TBC1D2: variants seen among roughly 807,000 people sequenced by gnomAD.
TBC1D2 encodes TBC1 domain family member 2, also known as TBC1 domain family member 2A.
In TBC1D2, 58 loss-of-function variants were observed where a neutral mutation model predicts 91.1. The observed-to-expected ratio is 0.64, with a 90% CI of 0.52 to 0.79. TBC1D2 has a LOEUF of 0.79. TBC1D2 is among the 30% of genes least tolerant of loss of function. TBC1D2 has a pLI of 0.00. For synonymous variants in TBC1D2, 482 were observed against 511.5 expected (o/e 0.94, Z 0.78); for missense variants, 1,080 against 1,208.3 (o/e 0.89, Z 1.57).
intron 6 of TBC1D2, 114 bp downstream of exon 6, chr9:98,220,719 T>C: frequency 7.7e-7 from 1 of 1,307,070 alleles, no homozygotes. Flanking sequence ...TATTCTAGGA[T>C]GAAGGGGTAT....
At chr9:98,249,258 C>T (rs1359817480) in intron 2 of TBC1D2, among the ~76,000 whole-genome samples, 1 of 152,208 alleles carries the variant, frequency 6.6e-6, no homozygotes. Flanking sequence ...GAGTCTCAGG[C>T]AGCATCCTCC....
chr9:98,213,265 C>T, intron 6 of TBC1D2, 47 bp from the exon 7 acceptor site: 1 of 1,608,438 alleles, frequency 6.2e-7, no homozygotes, highest in Non-Finnish European at 8.5e-7. Flanking sequence ...TAAACATCTC[C>T]CTGGTCCTGG....
chr9:98,201,770 C>T (rs1828511994), intron 10 of TBC1D2, 106 bp from the exon 11 acceptor site: 2 of 1,218,760 alleles, frequency 1.6e-6, no homozygotes. Context: ...CCTGAAGCTG[C>T]TCTGGGCAGG....
At chr9:98,199,845 C>A (rs73503052) in intron 12 of TBC1D2, among the ~76,000 whole-genome samples, 3,916 of 152,146 alleles carry the variant, frequency 0.026, 173 homozygotes, top group African/African-American at 0.089. Context: ...AGGTGACCCA[C>A]GTGTGAGCTG....
intron 2 of TBC1D2, among the ~76,000 whole-genome samples, chr9:98,247,224 G>A (rs1276326690): frequency 1.3e-5 from 2 of 151,956 alleles, no homozygotes; most frequent in Non-Finnish European, 2.9e-5. Context: ...CTACTTGGGA[G>A]GCTGAGGCAG....
rs565832741 is a variant in TBC1D2 at position 98,249,587 on chromosome 9, C to T, written c.511+2198G>A. Among the ~76,000 whole-genome samples the T allele has an allele frequency of 3.0e-3, 460 of 152,298 alleles. 1 individual carries two copies. The highest frequency in any genetic ancestry group is 5.1e-3 in the Non-Finnish European group (350 of 68,014). ...CTGCAAAACCAGGGTTGTCTGGCTC[C>T]CTGGCAGATGGGGAGTGGGGGCTGG... On this transcript the variant is annotated intron_variant, in intron 2 of 12. Coordinates refer to ENST00000465784, the MANE Select transcript of TBC1D2 (RefSeq NM_001267571.2).
chr9:98,201,483 G>A lies in TBC1D2; in HGVS notation c.2453C>T (p.Thr818Met), dbSNP rs149010653. 1.2e-5 allele frequency: 19 copies of A among 1,613,102 alleles called. No homozygotes were observed. Among genetic ancestry groups the A allele is most frequent in the African/African-American group, 2.7e-5 (2 of 74,896 alleles). ...RVWDAFLYEG[T>M]KVVFRYALAI... is the part of the protein sequence containing the mutation. Reference sequence around the variant, plus strand: ...CATCCCCTGGCTGCACCCTACCTTCGTCCCCTCGTACAGGAAGGCATCCCA... The same window carrying A: ...CATCCCCTGGCTGCACCCTACCTTCATCCCCTCGTACAGGAAGGCATCCCA... The change falls in exon 11 of 13, where the codon ACG becomes ATG. Residue 818 changes from threonine (T) to methionine (M), a missense_variant. Coordinates refer to ENST00000465784, the MANE Select transcript of TBC1D2 (RefSeq NM_001267571.2).
intron 5 of TBC1D2, among the ~76,000 whole-genome samples, chr9:98,221,564 CTT>C (rs1044862524): frequency 1.2e-4 from 19 of 152,304 alleles, no homozygotes; most frequent in African/African-American, 4.6e-4. Context: ...GTCCAGTTCT[CTT>C]TGCTTCTGGC....
intron 5 of TBC1D2, among the ~76,000 whole-genome samples, chr9:98,222,519 C>T (rs1829124704): frequency 6.6e-6 from 1 of 152,252 alleles, no homozygotes; most frequent in African/African-American, 2.4e-5. Context: ...AACTAATTCA[C>T]ACAGGAACTC....
chr9:98,236,402 T>C (rs1405352628), intron 3 of TBC1D2, among the ~76,000 whole-genome samples: 1 of 152,170 alleles, frequency 6.6e-6, no homozygotes, highest in Non-Finnish European at 1.5e-5. Flanking sequence ...TTTGTATTTT[T>C]AGTAGAGACA....
intron 6 of TBC1D2, among the ~76,000 whole-genome samples, chr9:98,214,257 G>A (rs531242157): frequency 3.2e-5 from 4 of 126,882 alleles, no homozygotes; most frequent in South Asian, 2.9e-4. Context: ...GGATGACTCC[G>A]ACGTGGCCAG....
intron 8 of TBC1D2, among the ~76,000 whole-genome samples, chr9:98,209,738 T>TTTCCTTTCCTTCC (rs1425570363): frequency 2.5e-5 from 3 of 122,176 alleles, no homozygotes; most frequent in African/African-American, 3.5e-5. Context: ...TCCTTCCTTC[T>TTTCCTTTCCTTCC]TTCCTTTCCT....
chr9:98,215,072 A>C (rs530697811), intron 6 of TBC1D2, among the ~76,000 whole-genome samples: 26 of 152,206 alleles, frequency 1.7e-4, no homozygotes, highest in Admixed American at 6.5e-4. Context: ...CCTAGATAAA[A>C]AACCAGCTTC....
At chr9:98,237,870 T>C (rs943225088) in intron 3 of TBC1D2, among the ~76,000 whole-genome samples, 12 of 151,714 alleles carry the variant, frequency 7.9e-5, no homozygotes, top group African/African-American at 2.4e-4. Context: ...GTCAGATTAA[T>C]AGGTTAACAA....
At chr9:98,230,369 G>A (rs1308299659) in intron 4 of TBC1D2, among the ~76,000 whole-genome samples, 2 of 152,204 alleles carry the variant, frequency 1.3e-5, no homozygotes, top group Admixed American at 6.5e-5. Flanking sequence ...TTGTAGGATC[G>A]TAAATTGATC....
At chr9:98,237,725 A>T (rs918913993) in intron 3 of TBC1D2, among the ~76,000 whole-genome samples, 3 of 150,590 alleles carry the variant, frequency 2.0e-5, no homozygotes, top group Non-Finnish European at 4.4e-5. Flanking sequence ...ATTCTTCAAG[A>T]TTATTTTGGG....
At chr9:98,201,339 G>A (rs1828494698) in intron 11 of TBC1D2, 140 bp downstream of exon 11, 1 of 750,440 alleles carries the variant, frequency 1.3e-6, no homozygotes, top group Admixed American at 2.9e-5. Flanking sequence ...GCATTTTGCA[G>A]TTGACAATGC....
At chr9:98,242,480 A>C (rs1031038378) in intron 3 of TBC1D2, among the ~76,000 whole-genome samples, 3 of 151,900 alleles carry the variant, frequency 2.0e-5, no homozygotes, top group Non-Finnish European at 4.4e-5. Flanking sequence ...AGAAAAGAAA[A>C]GAAACGCCCA....
intron 9 of TBC1D2, among the ~76,000 whole-genome samples, chr9:98,206,658 G>C (rs1241778142): frequency 6.6e-6 from 1 of 152,196 alleles, no homozygotes; most frequent in East Asian, 1.9e-4. Context: ...GAAAGGACTG[G>C]GTTTGGGGGC....
Sources: allele counts gnomAD v4.1 joint callset (sites outside exome capture counted in the v4.1 genomes callset), GRCh38; gene constraint gnomAD v4.1.1; transcripts MANE v1.5; gene names NCBI Gene and HGNC (gene_info 2026-07-23, HGNC 2026-07-21).